The following ATXN1 variants were observed in gnomAD, a reference collection of about 807,000 sequenced individuals.
The protein encoded by ATXN1 is ataxin-1.
Under a neutral mutation model 56.4 loss-of-function variants are expected in ATXN1, and 8 were observed. The observed-to-expected ratio is 0.14, with a 90% confidence interval of 0.08 to 0.26. ATXN1 has a LOEUF of 0.26. Ranked by LOEUF, ATXN1 falls within the 10% of genes least tolerant of loss-of-function variation. The pLI is 1.00. For synonymous variants in ATXN1, 514 were observed against 494.6 expected, an observed-to-expected ratio of 1.04 and a Z score of -0.52; for missense variants, 987 against 1,106.5, an observed-to-expected ratio of 0.89 and a Z score of 1.53.
At chr6:16,570,390 CA>C (rs1285606852) in intron 4 of ATXN1, among the ~76,000 whole-genome samples, 1 of 152,312 alleles carries the variant, frequency 6.6e-6, no homozygotes, top group African/African-American at 2.4e-5. Flanking sequence ...GCTCTGGGTT[CA>C]CCAGGGCTTC....
intron 3 of ATXN1, among the ~76,000 whole-genome samples, chr6:16,591,338 C>G (rs1205830906): frequency 2.6e-5 from 4 of 152,100 alleles, no homozygotes; most frequent in Non-Finnish European, 1.5e-5. Context: ...AGCTATTGAC[C>G]AGTTTACCCT....
intron 7 of ATXN1, among the ~76,000 whole-genome samples, chr6:16,307,675 C>CAA (rs60689654): frequency 1.5e-4 from 14 of 95,004 alleles, no homozygotes; most frequent in South Asian, 6.1e-4. Context: ...GACTCCGTCT[C>CAA]AAAAAAAAAA....
At chr6:16,544,735 T>G (rs552849999) in intron 4 of ATXN1, among the ~76,000 whole-genome samples, 42 of 152,290 alleles carry the variant, frequency 2.8e-4, no homozygotes, top group Middle Eastern at 6.8e-3. Context: ...CCTCCTTGCC[T>G]GCAGCTTGCA....
Position 16,543,379 on chromosome 6 carries a change from C to T in ATXN1, c.-360-20691G>A, listed in dbSNP as rs112712942. Among the ~76,000 whole-genome samples the T allele has an allele frequency of 3.1e-3, 473 of 152,186 alleles. 1 individual carries two copies. The highest frequency in any genetic ancestry group is 0.011 in the African/African-American group (439 of 41,544). On this transcript the variant is annotated intron_variant, in intron 4 of 7. Coordinates refer to ENST00000436367, the MANE Select transcript of ATXN1 (RefSeq NM_001128164.2). ...TAATTCTTTTCATTTGGGGATAAGA[C>T]AAGTCTTTTCCCCCTCTGTGTGTAT... is the stretch of plus-strand genomic sequence containing the variant.
intron 4 of ATXN1, among the ~76,000 whole-genome samples, chr6:16,564,980 T>C (rs183260446): frequency 7.8e-4 from 119 of 152,322 alleles, no homozygotes; most frequent in African/African-American, 2.8e-3. Flanking sequence ...AAGCAGTTCC[T>C]TGACTTATGA....
intron 2 of ATXN1, chr6:16,750,122 C>A (rs749558108): frequency 1.3e-5 from 2 of 152,220 alleles, no homozygotes; most frequent in African/African-American, 2.4e-5. Flanking sequence ...TCCTACTCAG[C>A]GTCACTCTTC....
chr6:16,473,341 T>C (rs763567412), intron 6 of ATXN1, among the ~76,000 whole-genome samples: 1 of 152,330 alleles, frequency 6.6e-6, no homozygotes, highest in Non-Finnish European at 1.5e-5. Context: ...GTTCTCACTC[T>C]TGGCGACTTG....
At chr6:16,573,552 C>A (rs560639434) in intron 4 of ATXN1, among the ~76,000 whole-genome samples, 1 of 152,124 alleles carries the variant, frequency 6.6e-6, no homozygotes, top group African/African-American at 2.4e-5. Context: ...GATATATACA[C>A]ACAAACTCAC....
intron 6 of ATXN1, among the ~76,000 whole-genome samples, chr6:16,426,844 T>A (rs1759167116): frequency 6.7e-6 from 1 of 148,674 alleles, no homozygotes; most frequent in South Asian, 2.1e-4. Flanking sequence ...TCTTGTCCTG[T>A]GGAACTATAA....
At chr6:16,602,930 A>G (rs530322050) in intron 3 of ATXN1, among the ~76,000 whole-genome samples, 1 of 152,338 alleles carries the variant, frequency 6.6e-6, no homozygotes, top group East Asian at 1.9e-4. Flanking sequence ...CTCATTTACA[A>G]AACAGGAATT....
chr6:16,514,884 G>A (rs1304167463), intron 5 of ATXN1, among the ~76,000 whole-genome samples: 2 of 151,978 alleles, frequency 1.3e-5, no homozygotes, highest in Non-Finnish European at 2.9e-5. Context: ...TTGGGAGGCT[G>A]AGGCAGGTGA....
intron 2 of ATXN1, among the ~76,000 whole-genome samples, chr6:16,719,811 C>T (rs1157604047): frequency 6.6e-6 from 1 of 152,184 alleles, no homozygotes; most frequent in Admixed American, 6.5e-5. Context: ...TGGAGTGACG[C>T]TGCCACAAGC....
In ATXN1 at chr6:16,306,303, C is replaced by G; in HGVS notation, c.*26G>C. On this transcript the variant is annotated 3_prime_UTR_variant, in exon 8 of 8. Transcript: ENST00000436367. The surrounding 1 kb of genome is among the most constrained non-coding windows in gnomAD (Gnocchi z 5.2). The stretch of plus-strand genomic sequence containing the variant: ...CTGGATACAAATGATAAGGGAGAGC[C>G]ACGTTTCCTTTCCCCCACGCTGCCT... 6.4e-7 allele frequency: 1 copy of G among 1,571,432 alleles called. No homozygotes were observed.
intron 3 of ATXN1, among the ~76,000 whole-genome samples, chr6:16,600,428 A>C (rs1762892054): frequency 6.6e-6 from 1 of 152,212 alleles, no homozygotes. Flanking sequence ...GCTATGCAAA[A>C]ACACTGACTG....
At chr6:16,625,480 T>G (rs1412273547) in intron 3 of ATXN1, among the ~76,000 whole-genome samples, 1 of 152,184 alleles carries the variant, frequency 6.6e-6, no homozygotes, top group African/African-American at 2.4e-5. Context: ...GACCATGGTG[T>G]TCCTGCTCAG....
intron 6 of ATXN1, among the ~76,000 whole-genome samples, chr6:16,483,591 G>C (rs1425102759): frequency 6.6e-6 from 1 of 152,220 alleles, no homozygotes; most frequent in Non-Finnish European, 1.5e-5. Context: ...TGCACAAAGA[G>C]TTCACTAGAA....
intron 3 of ATXN1, among the ~76,000 whole-genome samples, chr6:16,631,984 T>C (rs1340778296): frequency 6.6e-6 from 1 of 152,208 alleles, no homozygotes; most frequent in African/African-American, 2.4e-5. Flanking sequence ...TGGATTCTTA[T>C]TATTAATTAG....
At chr6:16,673,245 T>A (rs1446808082) in intron 2 of ATXN1, among the ~76,000 whole-genome samples, 1 of 152,064 alleles carries the variant, frequency 6.6e-6, no homozygotes, top group Non-Finnish European at 1.5e-5. Flanking sequence ...CTAACACAGG[T>A]GCTTTGAAGA....
chr6:16,350,656 C>T (rs575536808), intron 6 of ATXN1, among the ~76,000 whole-genome samples: 31 of 152,318 alleles, frequency 2.0e-4, no homozygotes, highest in South Asian at 1.0e-3. Flanking sequence ...TGGCCAAAGA[C>T]GGGTCTGCCC....
Sources: allele counts gnomAD v4.1 joint callset (sites outside exome capture counted in the v4.1 genomes callset), GRCh38; gene constraint gnomAD v4.1.1; non-coding constraint Gnocchi (gnomAD v3.1); transcripts MANE v1.5; gene names NCBI Gene and HGNC (gene_info 2026-07-23, HGNC 2026-07-21).